PAPSS2: variants seen among roughly 807,000 people sequenced by gnomAD.
PAPSS2 encodes bifunctional 3'-phosphoadenosine 5'-phosphosulfate synthase 2.
PAPSS2 carries 61 observed loss-of-function variants against 66.5 expected under a neutral mutation model. The observed-to-expected ratio is 0.92, with a 90% CI of 0.75 to 1.14. PAPSS2 has a LOEUF of 1.14. PAPSS2 is among the 50% of genes most tolerant of loss of function. The pLI is 0.00. For missense variants in PAPSS2, 708 were observed against 789.6 expected, an observed-to-expected ratio of 0.90 and a Z score of 1.24; for synonymous variants, 289 against 287.5, an observed-to-expected ratio of 1.01 and a Z score of -0.05.
intron 9 of PAPSS2, among the ~76,000 whole-genome samples, chr10:87,728,557 T>C (rs1458397759): frequency 6.6e-6 from 1 of 152,096 alleles, no homozygotes; most frequent in Non-Finnish European, 1.5e-5. Flanking sequence ...CTGGCCAACA[T>C]GGTGAAACCC....
At position 87,701,427 on chromosome 10, in the gene PAPSS2, TCTC is replaced by T. The variant is rs1564716881; in HGVS notation, c.28-7768_28-7766del. Among the ~76,000 whole-genome samples, 17 of 129,742 alleles carry T rather than the reference TCTC, an allele frequency of 1.3e-4. 1 individual carries two copies. Among genetic ancestry groups the T allele is most frequent in the Admixed American group, 2.5e-4 (3 of 11,980 alleles). 85.1% of individuals were successfully genotyped at this position (129,742 alleles called of 152,430 possible). A position where few individuals can be genotyped will look rare whatever the true frequency, so the allele number is the denominator to read the frequency against. On this transcript the variant is annotated intron_variant, in intron 1 of 12. Transcript: ENST00000456849. ...CTTTCTCTCTCTCTCTCTCTCTCTC[TCTC>T]TCTTTCTTTCAGACAAGGTCTCACT...
chr10:87,688,159 TATA>T (rs1853112112), intron 1 of PAPSS2, among the ~76,000 whole-genome samples: 1 of 151,990 alleles, frequency 6.6e-6, no homozygotes, highest in Non-Finnish European at 1.5e-5. Context: ...TTAAAATACA[TATA>T]ATAACACTAA....
chr10:87,733,276 T>C (rs181773933), intron 9 of PAPSS2, among the ~76,000 whole-genome samples: 2 of 152,322 alleles, frequency 1.3e-5, no homozygotes, highest in African/African-American at 4.8e-5. Context: ...CATCCAGCCC[T>C]CTCTTTGGCA....
Position 87,659,895 on chromosome 10 carries a change from CTG to C in PAPSS2, c.-86_-85del. 1 of 1,362,480 alleles carries C rather than the reference CTG, an allele frequency of 7.3e-7. No homozygotes were observed. The highest frequency in any genetic ancestry group is 2.3e-5 in the East Asian group (1 of 42,844). The allele number at this position is 1,362,480 out of a possible 1,614,324, so 84.4% of individuals were successfully genotyped here. A position where few individuals can be genotyped will look rare whatever the true frequency, so the allele number is the denominator to read the frequency against. On this transcript the variant is annotated 5_prime_UTR_variant, in exon 1 of 13. Coordinates refer to ENST00000456849, the MANE Select transcript of PAPSS2 (RefSeq NM_001015880.2). ...AGTCCGGCAGCCGCTGCTGCTGCTG[CTG>C]CTGCTGCTGCCGCCGCCGCCGCCGC...
intron 1 of PAPSS2, among the ~76,000 whole-genome samples, chr10:87,708,354 T>A (rs1048348260): frequency 1.3e-5 from 2 of 152,226 alleles, no homozygotes; most frequent in Middle Eastern, 3.2e-3. Context: ...TGGAAACAGT[T>A]TAGTTCTTGT....
At chr10:87,665,430 T>C (rs1443309694) in intron 1 of PAPSS2, among the ~76,000 whole-genome samples, 4 of 152,146 alleles carry the variant, frequency 2.6e-5, no homozygotes, top group Admixed American at 1.3e-4. Context: ...CCAGGATGGT[T>C]TTGATCTCCT....
intron 1 of PAPSS2, among the ~76,000 whole-genome samples, chr10:87,688,547 C>T (rs1317478391): frequency 6.6e-6 from 1 of 151,608 alleles, no homozygotes; most frequent in Non-Finnish European, 1.5e-5. Flanking sequence ...TCAAGCTCCG[C>T]CCCCCGGGTT....
At chr10:87,689,270 G>A (rs1433975690) in intron 1 of PAPSS2, among the ~76,000 whole-genome samples, 1 of 121,856 alleles carries the variant, frequency 8.2e-6, no homozygotes, top group Non-Finnish European at 1.8e-5. Flanking sequence ...AAACTGGGAG[G>A]CAGAGGTTGT....
chr10:87,745,217 C>T lies in PAPSS2; in HGVS notation c.1707C>T (p.Phe569=), dbSNP rs1221393765. 40 of 1,612,316 alleles carry T rather than the reference C, an allele frequency of 2.5e-5. No individual in the cohort carries two copies. Among genetic ancestry groups the T allele is most frequent in the Non-Finnish European group, 3.0e-5 (35 of 1,179,090 alleles). The stretch of plus-strand genomic sequence containing the variant: ...ACAAAGCCAAAAAAGCCATGGACTT[C>T]TATGATCCAGCAAGGTAGGTTTTCA... ...AYNKAKKAMD[F]YDPARHNEFD... is the part of the protein sequence containing the mutation. The change falls in exon 12 of 13, where the codon TTC becomes TTT. Residue 569 remains phenylalanine, a synonymous_variant. Transcript: ENST00000456849.
chr10:87,730,280 G>A (rs998727158), intron 9 of PAPSS2, among the ~76,000 whole-genome samples: 2 of 152,196 alleles, frequency 1.3e-5, no homozygotes, highest in African/African-American at 4.8e-5. Context: ...TTACCCCGAT[G>A]GGGTAGAGAA....
At chr10:87,697,175 C>T (rs1021840146) in intron 1 of PAPSS2, among the ~76,000 whole-genome samples, 18 of 152,136 alleles carry the variant, frequency 1.2e-4, no homozygotes, top group African/African-American at 3.9e-4. Context: ...TTGTAGAATG[C>T]CCTTCTTGGA....
At chr10:87,725,883 A>G (rs913947059) in intron 8 of PAPSS2, among the ~76,000 whole-genome samples, 6 of 136,982 alleles carry the variant, frequency 4.4e-5, no homozygotes, top group South Asian at 2.7e-4. Flanking sequence ...ATATGTGTGT[A>G]TACACACACA....
chr10:87,692,034 A>G (rs1352315481), intron 1 of PAPSS2, among the ~76,000 whole-genome samples: 1 of 152,238 alleles, frequency 6.6e-6, no homozygotes, highest in African/African-American at 2.4e-5. Flanking sequence ...AAAGGCTGTC[A>G]GGAAGACTTC....
chr10:87,703,020 C>T (rs887268175), intron 1 of PAPSS2, among the ~76,000 whole-genome samples: 1 of 152,164 alleles, frequency 6.6e-6, no homozygotes, highest in Non-Finnish European at 1.5e-5. Flanking sequence ...TTCTGTGCCA[C>T]CAATGGGAGT....
intron 9 of PAPSS2, 114 bp downstream of exon 9, chr10:87,727,603 A>G: frequency 1.1e-6 from 1 of 891,786 alleles, no homozygotes; most frequent in East Asian, 2.6e-5. Context: ...AGGTGGAAGA[A>G]TGTATTTCTA....
chr10:87,683,008 C>G (rs1265525726), intron 1 of PAPSS2, among the ~76,000 whole-genome samples: 3 of 152,120 alleles, frequency 2.0e-5, no homozygotes, highest in Admixed American at 2.0e-4. Context: ...CACATGCAAG[C>G]TAGGCCCAGA....
rs1853674764 is a variant in PAPSS2 at position 87,727,469 on chromosome 10, A to G, written c.1066A>G (p.Thr356Ala). ...RCSRVWGTTC[T>A]KHPHIKMVME... ...TTCCCGTGTTTGGGGGACAACATGT[A>G]CAAAACACCCCCATATCAAAGTAAG... Residue 356 changes from threonine to alanine, a missense_variant, in exon 9 of 13, where the codon ACA (threonine) becomes GCA (alanine). Transcript: ENST00000456849. 4 of 1,613,168 alleles carry G rather than the reference A, an allele frequency of 2.5e-6. No individual in the cohort carries two copies. The highest frequency in any genetic ancestry group is 2.2e-5 in the East Asian group (1 of 44,832).
chr10:87,680,543 G>A (rs753646168), intron 1 of PAPSS2, among the ~76,000 whole-genome samples: 3 of 152,104 alleles, frequency 2.0e-5, no homozygotes, highest in Non-Finnish European at 2.9e-5. Flanking sequence ...TCCCTCCTCA[G>A]TCACTTTGAA....
At chr10:87,738,118 T>C (rs940789666) in intron 9 of PAPSS2, among the ~76,000 whole-genome samples, 2 of 152,218 alleles carry the variant, frequency 1.3e-5, no homozygotes, top group Admixed American at 6.5e-5. Flanking sequence ...TACCCATTCA[T>C]CCATCTATGC....
Sources: gnomAD v4.1 joint callset for allele counts (sites outside exome capture counted in the v4.1 genomes callset) on GRCh38, gnomAD v4.1.1 for gene constraint, MANE v1.5 for transcripts, NCBI Gene and HGNC (gene_info 2026-07-23, HGNC 2026-07-21) for gene names.